PCP4: variants seen among roughly 807,000 people sequenced by gnomAD.
PCP4 encodes the protein calmodulin regulator protein PCP4.
A neutral mutation model predicts 10.0 loss-of-function variants in PCP4; 8 were observed. That is an observed-to-expected ratio of 0.80 (90% CI 0.47 to 1.45). The LOEUF (loss-of-function observed/expected upper bound fraction) is 1.45, where lower values mean the gene tolerates loss of function less well. Among genes scored for constraint, PCP4 ranks in the 40% most tolerant of loss-of-function variants. The pLI is 0.00. For synonymous variants in PCP4, 21 were observed against 23.0 expected (o/e 0.91, Z 0.24); for missense variants, 54 against 74.4 (o/e 0.73, Z 1.01).
intron 1 of PCP4, among the ~76,000 whole-genome samples, chr21:39,885,517 T>C (rs919750388): frequency 6.6e-6 from 1 of 152,236 alleles, no homozygotes; most frequent in African/African-American, 2.4e-5. Flanking sequence ...GGGCATGTGG[T>C]TGAGGGAGGA....
At chr21:39,873,709 G>T (rs999284753) in intron 1 of PCP4, among the ~76,000 whole-genome samples, 1 of 152,098 alleles carries the variant, frequency 6.6e-6, no homozygotes, top group Non-Finnish European at 1.5e-5. Flanking sequence ...GGGCCTTTGG[G>T]GTATAGATAT....
At chr21:39,895,721 GC>G (rs2087453769) in intron 1 of PCP4, among the ~76,000 whole-genome samples, 1 of 152,206 alleles carries the variant, frequency 6.6e-6, no homozygotes, top group African/African-American at 2.4e-5. Context: ...TGGTGCTTGA[GC>G]GCCCTTGAAG....
rs141179630 is a variant in PCP4, at chr21:39,902,480, G to A, written c.61+3953G>A. Among the ~76,000 whole-genome samples the A allele has an allele frequency of 2.5e-3, 374 of 152,206 alleles. 1 individual carries two copies. Among genetic ancestry groups the A allele is most frequent in the African/African-American group, 8.7e-3 (363 of 41,534 alleles). On this transcript the variant is annotated intron_variant, in intron 2 of 2. Transcript: ENST00000328619. ...ATTTCATTACATTGAATATTATCTT[G>A]AGAGCACCATTTTCTGGGAATGAAA... is the stretch of plus-strand genomic sequence containing the variant.
At chr21:39,899,222 T>C (rs1301827034) in intron 2 of PCP4, among the ~76,000 whole-genome samples, 2 of 152,226 alleles carry the variant, frequency 1.3e-5, no homozygotes, top group Middle Eastern at 3.4e-3. Context: ...ACTTTAGCAA[T>C]TGACATAAGA....
intron 2 of PCP4, among the ~76,000 whole-genome samples, chr21:39,919,107 C>A (rs1171594861): frequency 6.6e-6 from 1 of 152,096 alleles, no homozygotes; most frequent in Non-Finnish European, 1.5e-5. Context: ...AGGTGCAATC[C>A]TTGCTTGCTT....
At chr21:39,924,864 T>C (rs1347493713) in intron 2 of PCP4, among the ~76,000 whole-genome samples, 1 of 152,184 alleles carries the variant, frequency 6.6e-6, no homozygotes. Context: ...TGGCCAGCTA[T>C]TGGTGGCAGG....
At chr21:39,903,876 C>CAAAAAAAAAAAAAAAAAA (rs67572508) in intron 2 of PCP4, among the ~76,000 whole-genome samples, 2 of 95,542 alleles carry the variant, frequency 2.1e-5, no homozygotes, top group Non-Finnish European at 2.1e-5. Flanking sequence ...TCAAAAAAAA[C>CAAAAAAAAAAAAAAAAAA]AAAAAAAAAA....
chr21:39,873,030 G>A (rs1005610621), intron 1 of PCP4, among the ~76,000 whole-genome samples: 1 of 152,186 alleles, frequency 6.6e-6, no homozygotes, highest in African/African-American at 2.4e-5. Context: ...GAAAATATGG[G>A]AACGGAGCAA....
At chr21:39,890,438 C>G (rs2087424162) in intron 1 of PCP4, among the ~76,000 whole-genome samples, 1 of 152,134 alleles carries the variant, frequency 6.6e-6, no homozygotes, top group Admixed American at 6.6e-5. Flanking sequence ...TCAGTGCAAC[C>G]TCTGCCTCCC....
intron 2 of PCP4, among the ~76,000 whole-genome samples, chr21:39,918,453 A>G (rs564575113): frequency 1.3e-5 from 2 of 152,336 alleles, no homozygotes; most frequent in South Asian, 2.1e-4. Flanking sequence ...TAGGCTTTGT[A>G]TTAATGAGAA....
At position 39,917,094 on chromosome 21, in the gene PCP4, A is replaced by G. The variant is rs576914746; in HGVS notation, c.62-11890A>G. ...ACATGTACCCTGGAGCTTAAAATAAAAATTAAAGAAAAAAAAATTCTGGGA... is the reference window on the plus strand; with the variant it reads ...ACATGTACCCTGGAGCTTAAAATAAGAATTAAAGAAAAAAAAATTCTGGGA... On this transcript the variant is annotated intron_variant, in intron 2 of 2. Coordinates refer to ENST00000328619, the MANE Select transcript of PCP4 (RefSeq NM_006198.3). 4.6e-5 allele frequency among the ~76,000 whole-genome samples: 7 copies of G among 152,316 alleles called. No individual in the cohort carries two copies. The East Asian group carries it at 7.7e-4, about 17-fold the overall frequency.
At chr21:39,915,239 A>T (rs1047160731) in intron 2 of PCP4, among the ~76,000 whole-genome samples, 7 of 152,218 alleles carry the variant, frequency 4.6e-5, no homozygotes, top group Non-Finnish European at 1.0e-4. Context: ...CAAAAAAAAA[A>T]AAATCTCTGG....
intron 2 of PCP4, among the ~76,000 whole-genome samples, chr21:39,920,002 G>GCAT (rs2087587515): frequency 7.0e-6 from 1 of 142,026 alleles, no homozygotes; most frequent in African/African-American, 2.6e-5. Context: ...GGGTGTGTTT[G>GCAT]ATGTGTGATG....
chr21:39,927,957 A>G (rs1358793782), intron 2 of PCP4, among the ~76,000 whole-genome samples: 1 of 152,180 alleles, frequency 6.6e-6, no homozygotes, highest in African/African-American at 2.4e-5. Context: ...GCCTGTATTT[A>G]AAAAAAGAAA....
chr21:39,899,505 C>T (rs527909141), intron 2 of PCP4, among the ~76,000 whole-genome samples: 2 of 152,292 alleles, frequency 1.3e-5, no homozygotes, highest in South Asian at 4.1e-4. Flanking sequence ...CTGAGCAAGA[C>T]TCAAGTATGA....
chr21:39,872,093 G>C (rs1423818098), intron 1 of PCP4, among the ~76,000 whole-genome samples: 1 of 152,098 alleles, frequency 6.6e-6, no homozygotes, highest in African/African-American at 2.4e-5. Context: ...CTGCCTCCCA[G>C]GTTCAAGCAA....
At chr21:39,890,205 G>T (rs1007974578) in intron 1 of PCP4, among the ~76,000 whole-genome samples, 3 of 152,176 alleles carry the variant, frequency 2.0e-5, no homozygotes, top group Admixed American at 2.0e-4. Flanking sequence ...ATAATTTTCT[G>T]AAAGCTTGGA....
At chr21:39,903,876 C>CAA (rs67572508) in intron 2 of PCP4, among the ~76,000 whole-genome samples, 13,885 of 94,726 alleles carry the variant, frequency 0.15, 774 homozygotes, top group Admixed American at 0.21. Flanking sequence ...TCAAAAAAAA[C>CAA]AAAAAAAAAA....
intron 2 of PCP4, among the ~76,000 whole-genome samples, chr21:39,915,759 CT>C (rs2087565965): frequency 6.6e-6 from 1 of 152,286 alleles, no homozygotes. Flanking sequence ...CGTAAGATTT[CT>C]TTTTTCCACT....
Sources: allele counts gnomAD v4.1 joint callset (sites outside exome capture counted in the v4.1 genomes callset), GRCh38; gene constraint gnomAD v4.1.1; transcripts MANE v1.5; gene names NCBI Gene and HGNC (gene_info 2026-07-23, HGNC 2026-07-21).